Variants in TPRG1 observed in about 807,000 individuals in gnomAD.
The protein encoded by TPRG1 is tumor protein p63 regulated 1.
Under a neutral mutation model 29.3 loss-of-function variants are expected in TPRG1, and 29 were observed. The observed-to-expected ratio is 0.99, with a 90% CI of 0.74 to 1.35. The LOEUF (loss-of-function observed/expected upper bound fraction) is 1.35. Among genes scored for constraint, TPRG1 ranks in the 40% most tolerant of loss-of-function variants. TPRG1 has a pLI of 0.00. For missense variants in TPRG1, 327 were observed against 335.0 expected (o/e 0.98, Z 0.19); for synonymous variants, 130 against 116.8 (o/e 1.11, Z -0.73).
intron 5 of TPRG1, among the ~76,000 whole-genome samples, chr3:189,163,049 G>A (rs897018712): frequency 2.0e-5 from 3 of 152,124 alleles, no homozygotes; most frequent in Non-Finnish European, 4.4e-5. Flanking sequence ...AGGCGGGTGG[G>A]TCACCTGAGG....
chr3:189,124,540 T>TTGTGTACG (rs75399094), intron 1 of TPRG1, among the ~76,000 whole-genome samples: 5 of 149,962 alleles, frequency 3.3e-5, no homozygotes, highest in Admixed American at 6.6e-5. Context: ...ACAAAGGACT[T>TTGTGTACG]TGTGTGTGTG....
chr3:189,053,488 A>G (rs1041412102), intron 4 of TPRG1, among the ~76,000 whole-genome samples: 2 of 152,198 alleles, frequency 1.3e-5, no homozygotes, highest in African/African-American at 4.8e-5. Context: ...ATCACTGCAT[A>G]CGGACAATAA....
chr3:189,030,051 C>T (rs1005118865), intron 4 of TPRG1, among the ~76,000 whole-genome samples: 14 of 152,148 alleles, frequency 9.2e-5, no homozygotes, highest in African/African-American at 3.1e-4. Context: ...AAACTGGGTA[C>T]GGGAGGAGAA....
chr3:189,316,053 C>T (rs1723465986), intron 5 of TPRG1, among the ~76,000 whole-genome samples: 1 of 152,102 alleles, frequency 6.6e-6, no homozygotes, highest in Admixed American at 6.5e-5. Flanking sequence ...CAAAGGTATA[C>T]AAAATGTTCT....
At chr3:189,044,465 G>C (rs1714832976) in intron 4 of TPRG1, among the ~76,000 whole-genome samples, 1 of 151,710 alleles carries the variant, frequency 6.6e-6, no homozygotes, top group African/African-American at 2.4e-5. Flanking sequence ...TGAGGCAGGA[G>C]AATCACTTGA....
At chr3:189,277,251 A>G (rs935930462) in intron 4 of TPRG1, among the ~76,000 whole-genome samples, 2 of 152,192 alleles carry the variant, frequency 1.3e-5, no homozygotes, top group African/African-American at 4.8e-5. Flanking sequence ...CGTATGCTGC[A>G]CTTACTCCAA....
intron 4 of TPRG1, among the ~76,000 whole-genome samples, chr3:189,245,965 T>C (rs543084955): frequency 6.6e-6 from 1 of 152,196 alleles, no homozygotes; most frequent in Non-Finnish European, 1.5e-5. Context: ...AAATCTGACA[T>C]TATTGTAACT....
intron 3 of TPRG1, among the ~76,000 whole-genome samples, chr3:189,233,897 G>A (rs933955247): frequency 1.3e-5 from 2 of 152,188 alleles, no homozygotes; most frequent in Admixed American, 1.3e-4. Context: ...AGGAGACAGG[G>A]TCTCATTTTG....
chr3:189,012,854 T>C (rs1407708958), intron 3 of TPRG1, among the ~76,000 whole-genome samples: 1 of 152,164 alleles, frequency 6.6e-6, no homozygotes, highest in Non-Finnish European at 1.5e-5. Context: ...CCCTTATCAT[T>C]TCTGATTGTG....
At chr3:189,145,691 A>G (rs1417915385) in intron 3 of TPRG1, among the ~76,000 whole-genome samples, 1 of 152,220 alleles carries the variant, frequency 6.6e-6, no homozygotes, top group Non-Finnish European at 1.5e-5. Context: ...AATAACAGCA[A>G]ATTAATATCT....
intron 4 of TPRG1, among the ~76,000 whole-genome samples, chr3:189,063,181 T>A (rs1320611960): frequency 1.3e-5 from 2 of 152,000 alleles, no homozygotes; most frequent in African/African-American, 4.8e-5. Context: ...TACATAATAA[T>A]AAAAGGATCA....
At chr3:189,088,531 A>G (rs1180031170) in intron 4 of TPRG1, among the ~76,000 whole-genome samples, 2 of 152,212 alleles carry the variant, frequency 1.3e-5, no homozygotes, top group Non-Finnish European at 2.9e-5. Context: ...AGAACTTCCA[A>G]CACTAATTCA....
At chr3:189,214,227 A>G (rs776320338) in intron 2 of TPRG1, among the ~76,000 whole-genome samples, 2 of 152,208 alleles carry the variant, frequency 1.3e-5, no homozygotes, top group Non-Finnish European at 2.9e-5. Flanking sequence ...TTTTAGGATT[A>G]TTTCATGACT....
At chr3:189,137,435 CAAAA>C (rs1257419909) in intron 3 of TPRG1, among the ~76,000 whole-genome samples, 1 of 150,238 alleles carries the variant, frequency 6.7e-6, no homozygotes, top group Admixed American at 6.6e-5. Context: ...ACAAAAACAA[CAAAA>C]AAAGAATTTT....
At chr3:189,183,133 A>C (rs1473972499) in intron 1 of TPRG1, among the ~76,000 whole-genome samples, 2 of 152,156 alleles carry the variant, frequency 1.3e-5, no homozygotes, top group Non-Finnish European at 2.9e-5. Context: ...AGCCAGTTTG[A>C]GAAATAAAGG....
intron 5 of TPRG1, 66 bp from the exon 6 acceptor site, chr3:189,320,560 G>A (rs2108504636): frequency 2.1e-6 from 3 of 1,398,752 alleles, no homozygotes; most frequent in East Asian, 2.4e-5. Flanking sequence ...GACTGGCTGG[G>A]GAGATGAGTA....
chr3:189,039,416 G>A (rs1714488894), intron 4 of TPRG1, among the ~76,000 whole-genome samples: 1 of 152,090 alleles, frequency 6.6e-6, no homozygotes, highest in South Asian at 2.1e-4. Flanking sequence ...CATGAATGAT[G>A]TTAGAAATTG....
At chr3:189,183,031 T>C (rs2108704543) in intron 1 of TPRG1, among the ~76,000 whole-genome samples, 1 of 152,324 alleles carries the variant, frequency 6.6e-6, no homozygotes, top group South Asian at 2.1e-4. Flanking sequence ...CTACTACTAC[T>C]AGTGGAAAAC....
chr3:189,150,143 G>C (rs550395382), intron 4 of TPRG1, among the ~76,000 whole-genome samples: 15 of 152,292 alleles, frequency 9.8e-5, no homozygotes, highest in Admixed American at 8.5e-4. Flanking sequence ...CTTTGATGAA[G>C]AGAGTAAAGT....
Sources: gnomAD v4.1 joint callset for allele counts (sites outside exome capture counted in the v4.1 genomes callset) on GRCh38, gnomAD v4.1.1 for gene constraint, MANE v1.5 for transcripts, NCBI Gene and HGNC (gene_info 2026-07-23, HGNC 2026-07-21) for gene names.